NALF1: variants seen among roughly 807,000 people sequenced by gnomAD.
NALF1 encodes the protein NALCN channel auxiliary factor 1, also known as family with sequence similarity 155 member A.
A neutral mutation model predicts 48.4 loss-of-function variants in NALF1; 3 were observed. The observed-to-expected ratio is 0.06, with a 90% CI of 0.03 to 0.16. NALF1 has a LOEUF of 0.16. NALF1 is among the 10% of genes least tolerant of loss of function. The probability of loss-of-function intolerance (pLI) is 1.00; values close to 1 mark genes in which losing one functional copy is unlikely to be tolerated. For synonymous variants in NALF1, 262 were observed against 245.7 expected (o/e 1.07, Z -0.62); for missense variants, 526 against 571.5 (o/e 0.92, Z 0.81).
intron 1 of NALF1, among the ~76,000 whole-genome samples, chr13:107,450,354 G>T (rs1884719249): frequency 2.0e-5 from 3 of 152,126 alleles, no homozygotes; most frequent in Admixed American, 2.0e-4. Context: ...TGGGGAGAAG[G>T]TGGCTTTTGT....
At chr13:107,564,817 CA>C (rs1022049388) in intron 1 of NALF1, among the ~76,000 whole-genome samples, 1 of 152,066 alleles carries the variant, frequency 6.6e-6, no homozygotes, top group Non-Finnish European at 1.5e-5. Context: ...GTTCAGCTAG[CA>C]GCAATACAGT....
intron 1 of NALF1, among the ~76,000 whole-genome samples, chr13:107,826,055 A>C (rs1879506599): frequency 6.6e-6 from 1 of 152,240 alleles, no homozygotes; most frequent in Non-Finnish European, 1.5e-5. Flanking sequence ...CTGGGATTAC[A>C]GGCGTGAGCC....
intron 1 of NALF1, among the ~76,000 whole-genome samples, chr13:107,741,097 A>T (rs925957789): frequency 6.6e-6 from 1 of 152,222 alleles, no homozygotes; most frequent in African/African-American, 2.4e-5. Flanking sequence ...ATTATAATAC[A>T]ACAAAATAAA....
At chr13:107,180,096 T>C (rs530547519) in intron 2 of NALF1, among the ~76,000 whole-genome samples, 176 of 151,424 alleles carry the variant, frequency 1.2e-3, no homozygotes, top group African/African-American at 4.0e-3. Context: ...ATGTACCCCA[T>C]AAATATACAG....
At chr13:107,702,157 T>C (rs1168776046) in intron 1 of NALF1, among the ~76,000 whole-genome samples, 1 of 152,134 alleles carries the variant, frequency 6.6e-6, no homozygotes, top group African/African-American at 2.4e-5. Context: ...GTACGGAACT[T>C]TGGTGTCAGA....
intron 1 of NALF1, among the ~76,000 whole-genome samples, chr13:107,726,339 T>C (rs1876149486): frequency 6.6e-6 from 1 of 152,136 alleles, no homozygotes. Context: ...TCTCTTCTCA[T>C]TTTTCTTCTT....
At chr13:107,359,311 G>A (rs573191587) in intron 1 of NALF1, among the ~76,000 whole-genome samples, 125 of 152,054 alleles carry the variant, frequency 8.2e-4, no homozygotes, top group African/African-American at 2.9e-3. Flanking sequence ...TTTATTTTGT[G>A]TCTGCCATGT....
Position 107,750,631 on chromosome 13 carries a change from A to G in NALF1, c.915+115051T>C, listed in dbSNP as rs12869045. On this transcript the variant is annotated intron_variant, in intron 1 of 2. Coordinates refer to ENST00000375915, the MANE Select transcript of NALF1 (RefSeq NM_001080396.3). The stretch of plus-strand genomic sequence containing the variant: ...GAGCAACAAATGAAACAAACCCACA[A>G]GTCATGATGTGATAGTAACAGGTAA... Among the ~76,000 whole-genome samples, 405 of 152,252 alleles carry G rather than the reference A, an allele frequency of 2.7e-3. 1 individual carries two copies. Among genetic ancestry groups the G allele is most frequent in the Admixed American group, 4.3e-3 (65 of 15,294 alleles).
At chr13:107,731,199 A>G (rs1876298987) in intron 1 of NALF1, among the ~76,000 whole-genome samples, 1 of 152,160 alleles carries the variant, frequency 6.6e-6, no homozygotes, top group Non-Finnish European at 1.5e-5. Context: ...GAAGTGTGGA[A>G]AGTATCTCAT....
intron 1 of NALF1, among the ~76,000 whole-genome samples, chr13:107,608,798 A>T (rs1159113956): frequency 6.6e-6 from 1 of 152,250 alleles, no homozygotes; most frequent in African/African-American, 2.4e-5. Flanking sequence ...GGTGAACGGC[A>T]TCCTTTGAAG....
intron 1 of NALF1, among the ~76,000 whole-genome samples, chr13:107,643,027 C>T (rs1405838860): frequency 6.6e-6 from 1 of 152,022 alleles, no homozygotes; most frequent in African/African-American, 2.4e-5. Context: ...GCATCCCACA[C>T]AGCTGACTGT....
chr13:107,178,321 A>ATATT lies in NALF1; in HGVS notation c.1088-7536_1088-7535insAATA, dbSNP rs549769597. ...AATACTCATTTGGAAAGGGCTTAAT[A>ATATT]AGCAGAATACATAAGGGGCTGAAAC... is the stretch of plus-strand genomic sequence containing the variant. On this transcript the variant is annotated intron_variant, in intron 2 of 2. Transcript: ENST00000375915. Among the ~76,000 whole-genome samples the ATATT allele has an allele frequency of 1.4e-3, 218 of 152,348 alleles. 1 individual carries two copies. The highest frequency in any genetic ancestry group is 4.9e-3 in the African/African-American group (205 of 41,584).
intron 1 of NALF1, among the ~76,000 whole-genome samples, chr13:107,235,917 C>T (rs1013702574): frequency 3.6e-4 from 54 of 152,108 alleles, no homozygotes; most frequent in African/African-American, 1.2e-3. Context: ...CTATCATCTC[C>T]CATGTTTTGG....
intron 1 of NALF1, among the ~76,000 whole-genome samples, chr13:107,523,264 A>G (rs1876306740): frequency 6.6e-6 from 1 of 152,184 alleles, no homozygotes; most frequent in South Asian, 2.1e-4. Flanking sequence ...CATTGCCTTC[A>G]ATATGCACTG....
intron 1 of NALF1, among the ~76,000 whole-genome samples, chr13:107,427,077 GAAATT>G (rs1343062284): frequency 6.6e-6 from 1 of 151,578 alleles, no homozygotes; most frequent in Admixed American, 6.6e-5. Context: ...GCATGTAGAA[GAAATT>G]AATACACAAA....
intron 1 of NALF1, among the ~76,000 whole-genome samples, chr13:107,675,764 T>G (rs1881103861): frequency 1.3e-5 from 2 of 152,184 alleles, no homozygotes; most frequent in African/African-American, 4.8e-5. Flanking sequence ...CGTACACTTT[T>G]GAATTACTTT....
intron 1 of NALF1, among the ~76,000 whole-genome samples, chr13:107,231,303 T>G (rs1242280230): frequency 6.6e-6 from 1 of 152,156 alleles, no homozygotes; most frequent in South Asian, 2.1e-4. Context: ...CCTCAGTTAT[T>G]TGCATATTTT....
intron 1 of NALF1, among the ~76,000 whole-genome samples, chr13:107,434,605 C>T (rs940601008): frequency 6.6e-6 from 1 of 152,204 alleles, no homozygotes; most frequent in Admixed American, 6.5e-5. Flanking sequence ...GGACCTAAGT[C>T]ATGGGAATAG....
At chr13:107,358,148 C>T (rs1164290742) in intron 1 of NALF1, among the ~76,000 whole-genome samples, 1 of 149,720 alleles carries the variant, frequency 6.7e-6, no homozygotes, top group Non-Finnish European at 1.5e-5. Context: ...ATGTTTATAC[C>T]TATTTTATAT....
Sources: allele counts gnomAD v4.1 joint callset (sites outside exome capture counted in the v4.1 genomes callset), GRCh38; gene constraint gnomAD v4.1.1; transcripts MANE v1.5; gene names NCBI Gene and HGNC (gene_info 2026-07-23, HGNC 2026-07-21).